The following STAC variants were observed in gnomAD, a reference collection of about 807,000 sequenced individuals.
STAC encodes the protein SH3 and cysteine rich domain.
Under a neutral mutation model 48.8 loss-of-function variants are expected in STAC, and 43 were observed. The ratio of observed to expected loss-of-function variants is 0.88; its 90% CI spans 0.69 to 1.14. The LOEUF (loss-of-function observed/expected upper bound fraction) is 1.14, where lower values mean the gene tolerates loss of function less well. STAC is among the 50% of genes most tolerant of loss of function. The probability of loss-of-function intolerance (pLI) is 0.00; values close to 1 mark genes in which losing one functional copy is unlikely to be tolerated. For missense variants in STAC, 497 were observed against 504.0 expected (o/e 0.99, Z 0.13); for synonymous variants, 193 against 179.5 (o/e 1.07, Z -0.60).
At chr3:36,381,341 C>G (rs1033723013) in intron 1 of STAC, among the ~76,000 whole-genome samples, 1 of 152,236 alleles carries the variant, frequency 6.6e-6, no homozygotes, top group Non-Finnish European at 1.5e-5. Flanking sequence ...GAAAGTTACA[C>G]TAACACGTAT....
At chr3:36,398,406 AAGAG>A (rs780160113) in intron 1 of STAC, among the ~76,000 whole-genome samples, 1 of 142,382 alleles carries the variant, frequency 7.0e-6, no homozygotes, top group African/African-American at 2.6e-5. Flanking sequence ...GGTAAAGAGA[AAGAG>A]AGAGGGAAGG....
chr3:36,526,181 G>A (rs1698930007), intron 8 of STAC, among the ~76,000 whole-genome samples: 1 of 152,140 alleles, frequency 6.6e-6, no homozygotes, highest in Non-Finnish European at 1.5e-5. Context: ...GACCCGGAAT[G>A]CACAGGACTT....
intron 2 of STAC, among the ~76,000 whole-genome samples, chr3:36,466,523 C>T (rs573578599): frequency 1.8e-4 from 28 of 152,138 alleles, no homozygotes; most frequent in African/African-American, 6.3e-4. Flanking sequence ...TTGATTAAAC[C>T]CATTCATGAA....
intron 1 of STAC, among the ~76,000 whole-genome samples, chr3:36,427,852 G>T (rs1700603948): frequency 1.3e-5 from 2 of 152,112 alleles, no homozygotes; most frequent in African/African-American, 2.4e-5. Flanking sequence ...GAGGGACACA[G>T]CATCACTTCT....
At chr3:36,531,699 T>C (rs1699069713) in intron 10 of STAC, among the ~76,000 whole-genome samples, 1 of 152,102 alleles carries the variant, frequency 6.6e-6, no homozygotes, top group Non-Finnish European at 1.5e-5. Flanking sequence ...GTAGCAAAAC[T>C]GGCATAAGAT....
chr3:36,529,199 C>T (rs767985771), intron 10 of STAC: 4 of 372,754 alleles, frequency 1.1e-5, no homozygotes, highest in African/African-American at 4.1e-5. Context: ...TGTTCATAAA[C>T]GAAACGTGAT....
intron 1 of STAC, chr3:36,409,541 A>C (rs1700149090): frequency 6.6e-6 from 1 of 152,206 alleles, no homozygotes. Context: ...TTGACCCAGA[A>C]AACCAAATGA....
intron 1 of STAC, among the ~76,000 whole-genome samples, chr3:36,423,831 G>A (rs1003987510): frequency 3.3e-5 from 5 of 152,106 alleles, no homozygotes; most frequent in African/African-American, 1.2e-4. Flanking sequence ...ACATTATCGA[G>A]CTCTTTTCCT....
chr3:36,477,854 C>T (rs1559506645), intron 2 of STAC, among the ~76,000 whole-genome samples: 1 of 152,202 alleles, frequency 6.6e-6, no homozygotes, highest in Non-Finnish European at 1.5e-5. Context: ...GTTTTCGCAA[C>T]ATCTCCGTAT....
At chr3:36,435,704 TCTA>T (rs1700817550) in intron 1 of STAC, among the ~76,000 whole-genome samples, 2 of 152,150 alleles carry the variant, frequency 1.3e-5, no homozygotes, top group African/African-American at 2.4e-5. Flanking sequence ...CTTCACTGAA[TCTA>T]CTATTATTAA....
chr3:36,476,217 G>A (rs1046456409), intron 2 of STAC, among the ~76,000 whole-genome samples: 1 of 152,186 alleles, frequency 6.6e-6, no homozygotes, highest in South Asian at 2.1e-4. Flanking sequence ...GGGACCCAGA[G>A]GTAAAGAAAC....
intron 1 of STAC, among the ~76,000 whole-genome samples, chr3:36,424,893 T>C (rs982898184): frequency 6.6e-6 from 1 of 151,984 alleles, no homozygotes; most frequent in Non-Finnish European, 1.5e-5. Context: ...AATAAATAAA[T>C]AAATAAATGA....
chr3:36,543,917 A>C (rs1699385512), intron 10 of STAC, among the ~76,000 whole-genome samples: 1 of 152,158 alleles, frequency 6.6e-6, no homozygotes, highest in African/African-American at 2.4e-5. Flanking sequence ...TTTTTAATTT[A>C]AATATTTAAA....
At chr3:36,422,804 T>C (rs897237004) in intron 1 of STAC, among the ~76,000 whole-genome samples, 9 of 152,108 alleles carry the variant, frequency 5.9e-5, no homozygotes, top group Non-Finnish European at 1.2e-4. Context: ...AGTTAAGGTA[T>C]ATCAAAAAAG....
At chr3:36,382,864 T>A (rs1007260032) in intron 1 of STAC, among the ~76,000 whole-genome samples, 1 of 152,122 alleles carries the variant, frequency 6.6e-6, no homozygotes, top group African/African-American at 2.4e-5. Flanking sequence ...GTGAGGAAAA[T>A]GTGAACAAGA....
chr3:36,500,743 G>A (rs768723991), intron 6 of STAC, among the ~76,000 whole-genome samples: 1 of 152,070 alleles, frequency 6.6e-6, no homozygotes, highest in Non-Finnish European at 1.5e-5. Flanking sequence ...GAAATCAATA[G>A]TCAAAAGATA....
chr3:36,505,326 A>G (rs527742410), intron 7 of STAC, among the ~76,000 whole-genome samples: 1 of 152,218 alleles, frequency 6.6e-6, no homozygotes, highest in African/African-American at 2.4e-5. Context: ...TTGATATACT[A>G]GATACCAACT....
intron 2 of STAC, among the ~76,000 whole-genome samples, chr3:36,482,226 G>A (rs1697667744): frequency 6.6e-6 from 1 of 152,072 alleles, no homozygotes; most frequent in South Asian, 2.1e-4. Context: ...CTGAAATAAT[G>A]AACACCGGTG....
At chr3:36,509,915 C>T (rs889568285) in intron 8 of STAC, among the ~76,000 whole-genome samples, 3 of 152,016 alleles carry the variant, frequency 2.0e-5, no homozygotes, top group Admixed American at 1.3e-4. Flanking sequence ...GTCTTCATGA[C>T]TAAAACACCA....
Sources: gnomAD v4.1 joint callset for allele counts (sites outside exome capture counted in the v4.1 genomes callset) on GRCh38, gnomAD v4.1.1 for gene constraint, MANE v1.5 for transcripts, NCBI Gene and HGNC (gene_info 2026-07-23, HGNC 2026-07-21) for gene names.